HOOK2: variants seen among roughly 807,000 people sequenced by gnomAD.
HOOK2 encodes the protein protein Hook homolog 2.
HOOK2 carries 108 observed loss-of-function variants against 111.9 expected under a neutral mutation model. The observed-to-expected ratio is 0.96, with a 90% CI of 0.83 to 1.13. The LOEUF (loss-of-function observed/expected upper bound fraction) is 1.13. HOOK2 is among the 50% of genes most tolerant of loss of function. The pLI, the probability that HOOK2 is intolerant of heterozygous loss-of-function variation, is 0.00. For missense variants in HOOK2, 978 were observed against 951.3 expected (o/e 1.03, Z -0.37); for synonymous variants, 405 against 394.3 (o/e 1.03, Z -0.32).
chr19:12,763,477 C>T, intron 22 of HOOK2, 46 bp from the exon 23 acceptor site: 1 of 1,613,688 alleles, frequency 6.2e-7, no homozygotes, highest in Non-Finnish European at 8.5e-7. Flanking sequence ...CACAGGACCC[C>T]CCCACCAATA....
At position 12,763,386 on chromosome 19, in the gene HOOK2, G is replaced by A. The variant is rs537457758; in HGVS notation, c.2056C>T (p.His686Tyr). 10 of 1,614,092 alleles carry A rather than the reference G, an allele frequency of 6.2e-6. No homozygotes were observed. The African/African-American group carries it at 1.2e-4, about 19-fold the overall frequency. Residue 686 changes from histidine to tyrosine, a missense_variant, in exon 23 of 23, where the codon CAT (histidine) becomes TAT (tyrosine). Physicochemically the swap from His to Tyr is moderately conservative, Grantham distance 83. Coordinates refer to ENST00000397668, the MANE Select transcript of HOOK2 (RefSeq NM_013312.3). The stretch of plus-strand genomic sequence containing the variant: ...TGCTGTGCCAGGAATGACTGGGCAT[G>A]GGCAGGCGCCCGCTCCTCCCCAGCT... ...QRAGEERAPA[H>Y]AQSFLAQQRL...
intron 10 of HOOK2, 151 bp from the exon 11 acceptor site, chr19:12,770,233 A>T: frequency 1.6e-6 from 1 of 616,398 alleles, no homozygotes; most frequent in South Asian, 2.3e-5. Flanking sequence ...TTAGGGGTCA[A>T]TCAGGGCCTG....
At position 12,774,627 on chromosome 19, in the gene HOOK2, C is replaced by G. The variant is rs371569227; in HGVS notation, c.204+42G>C. ...GCCTAGCTGGCCCGTCCCTGGTCAT[C>G]TCTTCACCAGTCTGTCCTCTAATCA... On this transcript the variant is annotated intron_variant, in intron 3 of 22. Coordinates refer to ENST00000397668, the MANE Select transcript of HOOK2 (RefSeq NM_013312.3). The G allele has an allele frequency of 9.4e-6, 15 of 1,604,156 alleles. No individual in the cohort carries two copies. The African/African-American group carries it at 2.0e-4, about 21-fold the overall frequency.
intron 11 of HOOK2, 96 bp downstream of exon 11, chr19:12,769,785 T>G: frequency 9.7e-7 from 1 of 1,026,694 alleles, no homozygotes; most frequent in Non-Finnish European, 1.3e-6. Context: ...TACGTACAAA[T>G]AAGGGAGGGG....
chr19:12,771,260 C>T lies in HOOK2; in HGVS notation c.660G>A (p.Glu220=), dbSNP rs1400521338. 1.2e-6 allele frequency: 2 copies of T among 1,606,460 alleles called. No individual in the cohort carries two copies. Among genetic ancestry groups the T allele is most frequent in the Non-Finnish European group, 1.7e-6 (2 of 1,176,378 alleles). ...CCTCGCCTTCAGGCCGGCCCATCCGCTCCCGCAGCCCTGCATTCTCTTGCG... is the reference window on the plus strand; with the variant it reads ...CCTCGCCTTCAGGCCGGCCCATCCGTTCCCGCAGCCCTGCATTCTCTTGCG... ...SLAQENAGLR[E]RMGRPEGEGT... Residue 220 remains glutamate, a synonymous_variant, in exon 9 of 23, where the codon GAG becomes GAA. Coordinates refer to ENST00000397668, the MANE Select transcript of HOOK2 (RefSeq NM_013312.3).
At position 12,772,244 on chromosome 19, in the gene HOOK2, G is replaced by C; in HGVS notation, c.465C>G (p.Thr155=). Residue 155 remains threonine (T), a synonymous_variant, in exon 7 of 23, where the codon ACC becomes ACG. Transcript: ENST00000397668. ...VVMEAIQELM[T]KDTPDSLSPE... ...GTGACAGGGAGTCAGGAGTGTCTTT[G>C]GTCATGAGCTGAGGAGTGGGAAGGG... The C allele has an allele frequency of 6.2e-7, 1 of 1,614,024 alleles. No homozygotes were observed. The highest frequency in any genetic ancestry group is 1.1e-5 in the South Asian group (1 of 91,084).
At chr19:12,775,107 C>T (rs1968460094) in intron 1 of HOOK2, 5 of 875,680 alleles carry the variant, frequency 5.7e-6, no homozygotes, top group African/African-American at 1.8e-5. Flanking sequence ...CCTGCGCGTC[C>T]AGGCCAGGGT....
chr19:12,786,050 G>C lies in HOOK2; in HGVS notation n.42-11825C>G, dbSNP rs561593880. ...CCCTCATGCCCAACCATGTCAGCCT[G>C]GAGAGAGAGAAAGAGAGAGACTCTC... On this transcript the variant is annotated intron_variant and non_coding_transcript_variant, in intron 3 of 3. Coordinates refer to the HOOK2 transcript ENST00000589765. The surrounding 1 kb of genome is among the most constrained non-coding windows in gnomAD (Gnocchi z 4.3). 1.3e-5 allele frequency among the ~76,000 whole-genome samples: 2 copies of C among 152,138 alleles called. No individual in the cohort carries two copies. The highest frequency in any genetic ancestry group is 4.1e-4 in the South Asian group (2 of 4,826).
intron 3 of HOOK2, among the ~76,000 whole-genome samples, chr19:12,788,325 G>A (rs928959833): frequency 6.6e-5 from 10 of 152,162 alleles, no homozygotes; most frequent in Admixed American, 2.0e-4. Flanking sequence ...ATTGTTGGAA[G>A]CAGTCGATGA....
Position 12,767,389 on chromosome 19 carries a change from G to A in HOOK2, c.1373+6C>T, listed in dbSNP as rs751553708. The A allele has an allele frequency of 8.7e-6, 14 of 1,613,384 alleles. No homozygotes were observed. The highest frequency in any genetic ancestry group is 1.1e-5 in the Non-Finnish European group (13 of 1,179,500). ...GGGGCCAGAGTTTTGAGTGACCCCA[G>A]GATACCTGAGCTCCGCAGGCAGGAT... On this transcript the variant is annotated splice_donor_region_variant and intron_variant, in intron 14 of 22. Coordinates refer to ENST00000397668, the MANE Select transcript of HOOK2 (RefSeq NM_013312.3).
Position 12,770,000 on chromosome 19 carries a change from G to A in HOOK2, c.985C>T (p.Arg329Trp), listed in dbSNP as rs1968269781. 7 of 1,544,378 alleles carry A rather than the reference G, an allele frequency of 4.5e-6. No individual in the cohort carries two copies. In the East Asian group the frequency reaches 1.5e-4, roughly 32 times the overall value. Residue 329 changes from arginine (R) to tryptophan (W), a missense_variant, in exon 11 of 23, where the codon CGG becomes TGG. Around this residue, in one of 5 missense-constraint regions of HOOK2, gnomAD observed 388 missense variants for 358.3 expected, o/e 1.08. Coordinates refer to ENST00000397668, the MANE Select transcript of HOOK2 (RefSeq NM_013312.3). The part of the protein sequence containing the change: ...RRLGELRELR[R>W]QVRQLEERNA... ...CGTTCCTCCAGCTGCCGCACCTGCC[G>A]CCGCAGCTCCCTCAGCTCGCCCAAG...
chr19:12,774,581 T>C, intron 3 of HOOK2, 88 bp downstream of exon 3: 1 of 1,231,206 alleles, frequency 8.1e-7, no homozygotes, highest in Non-Finnish European at 1.2e-6. Flanking sequence ...TCCCTCTTCC[T>C]GCCCATCACC....
chr19:12,773,577 G>C (rs1482137282), intron 3 of HOOK2, among the ~76,000 whole-genome samples: 1 of 151,912 alleles, frequency 6.6e-6, no homozygotes, highest in Admixed American at 6.6e-5. Flanking sequence ...TATGTCTCCA[G>C]AACCAAGTCA....
In HOOK2 at chr19:12,771,003, C is replaced by T. The variant is rs1376903692; in HGVS notation, c.831G>A (p.Gln277=). The change falls in exon 10 of 23, where the codon CAG becomes CAA. Residue 277 remains glutamine, a synonymous_variant. Coordinates refer to ENST00000397668, the MANE Select transcript of HOOK2 (RefSeq NM_013312.3). ...AELEREVAEL[Q]HRNQALTSLA... is the part of the protein sequence containing the mutation. ...GGCTAGTCAGCGCCTGGTTCCGGTG[C>T]TGCAGCTCCGCAACCTCCCTCTCCA... The T allele has an allele frequency of 1.2e-6, 2 of 1,612,576 alleles. No homozygotes were observed. The highest frequency in any genetic ancestry group is 1.3e-5 in the African/African-American group (1 of 74,894).
At chr19:12,769,522 A>G (rs1438297161) in intron 11 of HOOK2, among the ~76,000 whole-genome samples, 1 of 152,088 alleles carries the variant, frequency 6.6e-6, no homozygotes, top group African/African-American at 2.4e-5. Context: ...TCCTGGGCTC[A>G]AGTGATCCTC....
At chr19:12,768,269 G>C (rs577030243) in intron 11 of HOOK2, 146 bp from the exon 12 acceptor site, 2 of 652,686 alleles carry the variant, frequency 3.1e-6, no homozygotes, top group African/African-American at 3.7e-5. Context: ...GTTTTTGCTT[G>C]TTTTTTTTAG....
chr19:12,775,480 G>A lies in HOOK2; in HGVS notation c.-31C>T, dbSNP rs932341232. 2 of 1,598,632 alleles carry A rather than the reference G, an allele frequency of 1.3e-6. No individual in the cohort carries two copies. The highest frequency in any genetic ancestry group is 1.7e-6 in the Non-Finnish European group (2 of 1,174,320). On this transcript the variant is annotated 5_prime_UTR_variant, in exon 1 of 23. Transcript: ENST00000397668. ...CCGATCGGATTCAATCCAGGCCACG[G>A]AGCCCCGGCGCCGCAGCAGCCTCCG...
upstream of HOOK2, among the ~76,000 whole-genome samples, chr19:12,782,457 G>C (rs1000580048): frequency 1.3e-5 from 2 of 152,252 alleles, no homozygotes; most frequent in African/African-American, 2.4e-5. Context: ...AGCAGGCTGC[G>C]CGGACGCAGT....
Position 12,790,935 on chromosome 19 carries a change from C to T in HOOK2, n.42-16710G>A, listed in dbSNP as rs995479237. Among the ~76,000 whole-genome samples, 2 of 152,152 alleles carry T rather than the reference C, an allele frequency of 1.3e-5. No individual in the cohort carries two copies. Among genetic ancestry groups the T allele is most frequent in the African/African-American group, 4.8e-5 (2 of 41,436 alleles). Reference sequence around the variant, plus strand: ...ACCCCTTTTGATCTCTCCCCTCCTCCGTCCTGTGAAAATTCCAGTCCCGCA... The same window carrying T: ...ACCCCTTTTGATCTCTCCCCTCCTCTGTCCTGTGAAAATTCCAGTCCCGCA... On this transcript the variant is annotated intron_variant and non_coding_transcript_variant, in intron 3 of 3. Transcript: ENST00000589765. This position sits in a 1 kb window ranked among gnomAD's most constrained non-coding sequence, Gnocchi z 7.2.
Sources: allele counts gnomAD v4.1 joint callset (sites outside exome capture counted in the v4.1 genomes callset), GRCh38; gene constraint gnomAD v4.1.1; regional missense constraint gnomAD v4.1.1; non-coding constraint Gnocchi (gnomAD v3.1); transcripts MANE v1.5; gene names NCBI Gene and HGNC (gene_info 2026-07-23, HGNC 2026-07-21).